Variants in RP1 observed in about 807,000 individuals in gnomAD.
RP1 encodes RP1 axonemal microtubule associated.
In RP1, 16 loss-of-function variants were observed where a neutral mutation model predicts 14.8. That is an observed-to-expected ratio of 1.08 (90% confidence interval 0.73 to 1.65). The LOEUF (loss-of-function observed/expected upper bound fraction) is 1.65. Among genes scored for constraint, RP1 ranks in the 40% most tolerant of loss-of-function variants. The pLI is 0.00. For synonymous variants in RP1, 876 were observed against 883.6 expected, an observed-to-expected ratio of 0.99 and a Z score of 0.15; for missense variants, 2,631 against 2,535.0, an observed-to-expected ratio of 1.04 and a Z score of -0.81.
At chr8:54,720,005 A>G in intron 15 of RP1, 2 of 787,760 alleles carry the variant, frequency 2.5e-6, no homozygotes, top group Non-Finnish European at 3.8e-6. Flanking sequence ...TTACGTAAAA[A>G]GGCTCTAGAT....
chr8:54,852,757 T>C (rs1054015452), intron 26 of RP1: 1 of 1,230,260 alleles, frequency 8.1e-7, no homozygotes, highest in Non-Finnish European at 1.0e-6. Flanking sequence ...CATCAGTTTT[T>C]ACCGACTATC....
At chr8:54,673,764 A>ACAG (rs1273163487) in intron 7 of RP1, 15 of 1,177,660 alleles carry the variant, frequency 1.3e-5, no homozygotes, top group Non-Finnish European at 1.7e-5. Context: ...AACAACAACA[A>ACAG]CAACAAACAC....
chr8:54,768,168 T>C (rs1324401499), intron 22 of RP1, among the ~76,000 whole-genome samples: 1 of 152,232 alleles, frequency 6.6e-6, no homozygotes, highest in Non-Finnish European at 1.5e-5. Flanking sequence ...TCTGTACCTT[T>C]GCCAGTGCTG....
intron 24 of RP1, among the ~76,000 whole-genome samples, chr8:54,804,928 C>A (rs1178907116): frequency 6.6e-6 from 1 of 152,140 alleles, no homozygotes. Flanking sequence ...AGACTATTTC[C>A]TCTTTTCAAA....
exon 29 of RP1, chr8:54,870,243 C>T (rs540636126): frequency 3.8e-6 from 1 of 264,652 alleles, no homozygotes; most frequent in East Asian, 6.6e-5. Flanking sequence ...CCTCCCTCCT[C>T]TCCCTTCTTT....
At chr8:54,755,396 A>G (rs1481978232) in intron 20 of RP1, among the ~76,000 whole-genome samples, 1 of 152,218 alleles carries the variant, frequency 6.6e-6, no homozygotes, top group East Asian at 1.9e-4. Flanking sequence ...CTTTCTGAAA[A>G]TGCAATAAAC....
chr8:54,646,428 C>T (rs1301224570), intron 3 of RP1, among the ~76,000 whole-genome samples: 1 of 152,008 alleles, frequency 6.6e-6, no homozygotes, highest in South Asian at 2.1e-4. Flanking sequence ...GGTGTGTTGG[C>T]CTATTACCTC....
intron 18 of RP1, among the ~76,000 whole-genome samples, chr8:54,737,246 G>T (rs1486639772): frequency 6.6e-6 from 1 of 152,186 alleles, no homozygotes; most frequent in Non-Finnish European, 1.5e-5. Flanking sequence ...CAGGGTGACT[G>T]TGTGGATTGG....
intron 22 of RP1, among the ~76,000 whole-genome samples, chr8:54,762,957 T>C (rs116823099): frequency 2.3e-3 from 344 of 152,308 alleles, no homozygotes; most frequent in African/African-American, 7.8e-3. Flanking sequence ...ACTGTCGTCA[T>C]TGGACTAGAC....
rs1001560151 is a variant in RP1, at chr8:54,679,183, T to A, written c.1479-237T>A. ...CTGATTGAGTAACTCACCTGTGTTA[T>A]TAGGCAAAAACATATTTTAGCCTTA... On this transcript the variant is annotated intron_variant, in intron 9 of 22. Coordinates refer to the RP1 transcript ENST00000636932. 3.3e-5 allele frequency among the ~76,000 whole-genome samples: 5 copies of A among 152,182 alleles called. No homozygotes were observed. The South Asian group carries it at 1.0e-3, about 31-fold the overall frequency.
At chr8:54,588,201 T>C (rs1804974630) in intron 1 of RP1, among the ~76,000 whole-genome samples, 1 of 152,220 alleles carries the variant, frequency 6.6e-6, no homozygotes, top group African/African-American at 2.4e-5. Context: ...CTTTGTGTTA[T>C]AAAGACTGAA....
intron 28 of RP1, chr8:54,869,828 T>C: frequency 8.5e-7 from 1 of 1,173,144 alleles, no homozygotes; most frequent in Non-Finnish European, 1.1e-6. Flanking sequence ...TTATCTTCTT[T>C]TTTTTGCATG....
intron 6 of RP1, among the ~76,000 whole-genome samples, chr8:54,662,652 T>G (rs1205422197): frequency 6.6e-6 from 1 of 152,190 alleles, no homozygotes; most frequent in Non-Finnish European, 1.5e-5. Flanking sequence ...ACTAGAGGGC[T>G]TCTACCGAGC....
chr8:54,797,873 C>CTT (rs71254593), intron 24 of RP1, among the ~76,000 whole-genome samples: 20,798 of 111,152 alleles, frequency 0.19, 2,233 homozygotes, highest in African/African-American at 0.28. Context: ...GTTTCCCAAC[C>CTT]TTTTTTTTTT....
At chr8:54,656,404 G>A (rs1004906646) in intron 6 of RP1, among the ~76,000 whole-genome samples, 15 of 152,132 alleles carry the variant, frequency 9.9e-5, no homozygotes, top group Admixed American at 9.2e-4. Flanking sequence ...GCATTCAGGA[G>A]TATGTTCTTG....
chr8:54,805,299 A>T (rs1169613534), intron 24 of RP1, among the ~76,000 whole-genome samples: 1 of 152,166 alleles, frequency 6.6e-6, no homozygotes, highest in Non-Finnish European at 1.5e-5. Context: ...CTATCTATTT[A>T]TTTCTATCTC....
intron 13 of RP1, among the ~76,000 whole-genome samples, chr8:54,699,858 G>T (rs1807970194): frequency 6.6e-6 from 1 of 152,080 alleles, no homozygotes; most frequent in South Asian, 2.1e-4. Context: ...GGACCATATT[G>T]TTGGAGAAAA....
chr8:54,792,732 T>C (rs905915247), intron 24 of RP1, among the ~76,000 whole-genome samples: 6 of 151,712 alleles, frequency 4.0e-5, no homozygotes, highest in African/African-American at 9.7e-5. Flanking sequence ...GGCTACATTA[T>C]GAAACAATAA....
intron 8 of RP1, among the ~76,000 whole-genome samples, chr8:54,676,115 A>G (rs748515458): frequency 3.9e-5 from 6 of 152,130 alleles, no homozygotes; most frequent in Non-Finnish European, 7.3e-5. Flanking sequence ...ATGTTATCAC[A>G]TTGGGTCTTA....
Sources: allele counts gnomAD v4.1 joint callset (sites outside exome capture counted in the v4.1 genomes callset), GRCh38; gene constraint gnomAD v4.1.1; transcripts MANE v1.5; gene names NCBI Gene and HGNC (gene_info 2026-07-23, HGNC 2026-07-21).